THSD7B: variants seen among roughly 807,000 people sequenced by gnomAD.
THSD7B encodes thrombospondin type-1 domain-containing protein 7B.
THSD7B carries 138 observed loss-of-function variants against 213.6 expected under a neutral mutation model. The observed-to-expected ratio is 0.65, with a 90% CI of 0.56 to 0.74. THSD7B has a LOEUF of 0.74. Ranked by LOEUF, THSD7B falls within the 30% of genes least tolerant of loss-of-function variation. The probability of loss-of-function intolerance (pLI) is 0.00; values close to 1 mark genes in which losing one functional copy is unlikely to be tolerated. For missense variants in THSD7B, 1,931 were observed against 1,991.5 expected, an observed-to-expected ratio of 0.97 and a Z score of 0.58; for synonymous variants, 742 against 687.0, an observed-to-expected ratio of 1.08 and a Z score of -1.25.
chr2:137,419,051 G>C (rs1237582317), intron 14 of THSD7B, among the ~76,000 whole-genome samples: 1 of 151,986 alleles, frequency 6.6e-6, no homozygotes, highest in Admixed American at 6.6e-5. Context: ...GGGATTAGAA[G>C]CACCTGCCAC....
chr2:137,079,266 GT>G (rs1295498028), intron 3 of THSD7B, among the ~76,000 whole-genome samples: 1 of 151,954 alleles, frequency 6.6e-6, no homozygotes. Context: ...ATATTTTTTA[GT>G]TTTTTTATAA....
intron 2 of THSD7B, among the ~76,000 whole-genome samples, chr2:136,985,223 CA>C (rs1685650323): frequency 6.6e-6 from 1 of 152,102 alleles, no homozygotes; most frequent in African/African-American, 2.4e-5. Context: ...GGAAGGGAGC[CA>C]GGTGTTAATA....
chr2:137,414,265 G>A (rs1901796), intron 14 of THSD7B, among the ~76,000 whole-genome samples: 150,053 of 152,276 alleles, frequency 0.99, 73,960 homozygotes, highest in Non-Finnish European at 1. Flanking sequence ...TTCACAGTAT[G>A]TATTTTCAAA....
intron 2 of THSD7B, among the ~76,000 whole-genome samples, chr2:136,973,844 T>C (rs77815493): frequency 0.016 from 2,504 of 152,308 alleles, 35 homozygotes; most frequent in Middle Eastern, 0.02. Flanking sequence ...TTGATGAAAG[T>C]AGATGTTTTA....
intron 1 of THSD7B, among the ~76,000 whole-genome samples, chr2:136,793,644 A>G (rs1573640780): frequency 1.3e-5 from 2 of 152,004 alleles, no homozygotes; most frequent in South Asian, 2.1e-4. Flanking sequence ...ATGTTGTGTC[A>G]TCTCTTTATA....
rs537436795 is a variant in THSD7B at position 137,080,405 on chromosome 2, G to A, written c.951-14468G>A. Among the ~76,000 whole-genome samples the A allele has an allele frequency of 2.5e-5, 3 of 119,234 alleles. No homozygotes were observed. The South Asian group carries it at 8.0e-4, about 32-fold the overall frequency. The allele number at this position is 119,234 out of a possible 152,430, so 78.2% of individuals were successfully genotyped here. Reference sequence around the variant, plus strand: ...TTTTTTTTTTTTTAAATAGAGACAGGGTTTCACCATGTTGGCCAGGCTGGT... The same window carrying A: ...TTTTTTTTTTTTTAAATAGAGACAGAGTTTCACCATGTTGGCCAGGCTGGT... On this transcript the variant is annotated intron_variant, in intron 3 of 27. Coordinates refer to ENST00000409968, the MANE Select transcript of THSD7B (RefSeq NM_001316349.2).
chr2:137,663,264 C>T, intron 25 of THSD7B, 119 bp from the exon 26 acceptor site: 1 of 813,310 alleles, frequency 1.2e-6, no homozygotes, highest in Non-Finnish European at 1.7e-6. Context: ...AGTCAGTTGC[C>T]CCAAACCCTA....
intron 10 of THSD7B, among the ~76,000 whole-genome samples, chr2:137,270,788 C>T (rs1682715404): frequency 6.6e-6 from 1 of 152,112 alleles, no homozygotes. Context: ...GCATAAAAAA[C>T]ATCATTATAA....
rs947551983 is a variant in THSD7B at position 137,101,803 on chromosome 2, G to A, written c.1199+6682G>A. ...TTCAAACTGGGTGGAGTCCACCACC[G>A]CGCCACAAAGCTGCTGTAGCCAGAC... On this transcript the variant is annotated intron_variant, in intron 4 of 27. Transcript: ENST00000409968. Among the ~76,000 whole-genome samples the A allele has an allele frequency of 3.9e-5, 6 of 152,318 alleles. No homozygotes were observed. The South Asian group carries it at 6.2e-4, about 16-fold the overall frequency.
At chr2:137,095,763 A>G (rs1020251450) in intron 4 of THSD7B, among the ~76,000 whole-genome samples, 1 of 152,176 alleles carries the variant, frequency 6.6e-6, no homozygotes, top group African/African-American at 2.4e-5. Flanking sequence ...TGGTGTGATT[A>G]TGGCTCACTT....
chr2:137,597,732 T>TA (rs564049114), intron 17 of THSD7B, among the ~76,000 whole-genome samples: 9 of 152,238 alleles, frequency 5.9e-5, no homozygotes, highest in South Asian at 4.1e-4. Context: ...TCCAAATCTG[T>TA]AAAAGGGCAA....
intron 12 of THSD7B, among the ~76,000 whole-genome samples, chr2:137,277,263 A>C (rs529812114): frequency 2.0e-4 from 30 of 152,198 alleles, no homozygotes; most frequent in Non-Finnish European, 4.1e-4. Context: ...ATCACATAAA[A>C]GCAAGATATT....
At chr2:136,824,907 TG>T (rs1682620001) in intron 1 of THSD7B, among the ~76,000 whole-genome samples, 1 of 152,322 alleles carries the variant, frequency 6.6e-6, no homozygotes, top group Middle Eastern at 3.4e-3. Flanking sequence ...TGACAAGATA[TG>T]TGTCTCTATA....
chr2:136,771,749 G>A (rs1681509858), intron 1 of THSD7B, among the ~76,000 whole-genome samples: 1 of 152,122 alleles, frequency 6.6e-6, no homozygotes, highest in Non-Finnish European at 1.5e-5. Context: ...TCTATGTGTG[G>A]AGTTCTGATA....
At chr2:136,897,336 C>T (rs191423418) in intron 2 of THSD7B, among the ~76,000 whole-genome samples, 22 of 152,092 alleles carry the variant, frequency 1.4e-4, no homozygotes, top group East Asian at 9.7e-4. Flanking sequence ...CAGATGTATC[C>T]GGAGTTTCTT....
Position 137,056,400 on chromosome 2 carries a change from C to T in THSD7B, c.140-20C>T, listed in dbSNP as rs780490524. 121 of 1,589,818 alleles carry T rather than the reference C, an allele frequency of 7.6e-5. No individual in the cohort carries two copies. Among genetic ancestry groups the T allele is most frequent in the Non-Finnish European group, 1.0e-4 (121 of 1,166,016 alleles). ...AATGTAATCTCTGAGTAATTAACAT[C>T]CTTGTTTTTCTGCCTGTAGGTCCGT... On this transcript the variant is annotated intron_variant, in intron 2 of 27. Coordinates refer to ENST00000409968, the MANE Select transcript of THSD7B (RefSeq NM_001316349.2).
chr2:136,901,119 T>C (rs1684055205), intron 2 of THSD7B, among the ~76,000 whole-genome samples: 2 of 152,192 alleles, frequency 1.3e-5, no homozygotes, highest in East Asian at 3.8e-4. Flanking sequence ...AAAGTTTTGA[T>C]CTGAAATGTC....
At chr2:137,178,592 C>G (rs1680400906) in intron 7 of THSD7B, among the ~76,000 whole-genome samples, 1 of 152,084 alleles carries the variant, frequency 6.6e-6, no homozygotes, top group Non-Finnish European at 1.5e-5. Flanking sequence ...AAAGATGAAA[C>G]TCTAATAATG....
At chr2:137,404,464 T>TACAC (rs1316384160) in intron 12 of THSD7B, among the ~76,000 whole-genome samples, 1,662 of 73,794 alleles carry the variant, frequency 0.023, 16 homozygotes, top group Non-Finnish European at 0.037. Context: ...TATATATATA[T>TACAC]ATATATATAT....
Sources: gnomAD v4.1 joint callset for allele counts (sites outside exome capture counted in the v4.1 genomes callset) on GRCh38, gnomAD v4.1.1 for gene constraint, MANE v1.5 for transcripts, NCBI Gene and HGNC (gene_info 2026-07-23, HGNC 2026-07-21) for gene names.